Variants in VPS39 observed in about 807,000 individuals in gnomAD.
VPS39 encodes the protein vam6/Vps39-like protein.
Under a neutral mutation model 121.0 loss-of-function variants are expected in VPS39, and 70 were observed. That is an observed-to-expected ratio of 0.58 (90% CI 0.48 to 0.71). The LOEUF (loss-of-function observed/expected upper bound fraction) is 0.71. Among genes scored for constraint, VPS39 ranks in the 30% least tolerant of loss-of-function variants. The pLI, the probability that VPS39 is intolerant of heterozygous loss-of-function variation, is 0.00. For synonymous variants in VPS39, 378 were observed against 398.1 expected, an observed-to-expected ratio of 0.95 and a Z score of 0.60; for missense variants, 818 against 1,051.5, an observed-to-expected ratio of 0.78 and a Z score of 3.07.
At chr15:42,173,608 A>G (rs528705817) in intron 11 of VPS39, 115 bp downstream of exon 11, 60 of 1,395,554 alleles carry the variant, frequency 4.3e-5, no homozygotes, top group Non-Finnish European at 5.7e-5. Flanking sequence ...ATGAGGATCA[A>G]TTTAGCTGAG....
intron 16 of VPS39, 148 bp downstream of exon 16, chr15:42,166,011 T>C (rs566142029): frequency 3.7e-5 from 35 of 955,522 alleles, no homozygotes; most frequent in Admixed American, 2.6e-4. Context: ...CCAACTACAG[T>C]GCTGGCTCGC....
chr15:42,197,692 C>T (rs1195744852), intron 2 of VPS39, among the ~76,000 whole-genome samples: 1 of 152,164 alleles, frequency 6.6e-6, no homozygotes, highest in Admixed American at 6.5e-5. Context: ...ATGTCACTGG[C>T]TCAACTGAGC....
At chr15:42,161,316 G>T in intron 24 of VPS39, 1 of 394,026 alleles carries the variant, frequency 2.5e-6, no homozygotes, top group Non-Finnish European at 4.8e-6. Context: ...GATCCTACTT[G>T]AGTCACAATG....
At chr15:42,204,998 A>T (rs2050141049) in intron 1 of VPS39, among the ~76,000 whole-genome samples, 1 of 152,138 alleles carries the variant, frequency 6.6e-6, no homozygotes, top group Admixed American at 6.5e-5. Context: ...ACCTTGGAAA[A>T]ATTTCTTAAA....
intron 11 of VPS39, among the ~76,000 whole-genome samples, chr15:42,171,184 T>G (rs2049341334): frequency 6.6e-6 from 1 of 152,212 alleles, no homozygotes; most frequent in Admixed American, 6.5e-5. Flanking sequence ...TACTCCTTTA[T>G]AGTCCACAGG....
intron 8 of VPS39, chr15:42,178,929 C>T (rs747105390): frequency 1.2e-4 from 23 of 194,556 alleles, no homozygotes; most frequent in Non-Finnish European, 7.6e-5. Flanking sequence ...ATCATTTAAG[C>T]CCAGGAGTTT....
intron 1 of VPS39, among the ~76,000 whole-genome samples, chr15:42,201,348 A>T (rs2050064248): frequency 6.6e-6 from 1 of 152,044 alleles, no homozygotes; most frequent in South Asian, 2.1e-4. Context: ...GCTATTTTTT[A>T]AAAAATGTTT....
At chr15:42,167,734 C>A (rs769680213) in intron 12 of VPS39, among the ~76,000 whole-genome samples, 197 bp from the exon 13 acceptor site, 2 of 152,048 alleles carry the variant, frequency 1.3e-5, no homozygotes, top group African/African-American at 4.8e-5. Context: ...AGACCAGGCA[C>A]CATGCCAAGC....
At chr15:42,182,094 A>G (rs2049593321) in intron 8 of VPS39, among the ~76,000 whole-genome samples, 1 of 152,252 alleles carries the variant, frequency 6.6e-6, no homozygotes, top group Admixed American at 6.5e-5. Flanking sequence ...TAAAATTTCA[A>G]AGCTATGAGG....
At position 42,207,545 on chromosome 15, in the gene VPS39, G is replaced by A. The variant is rs185102856; in HGVS notation, c.73+536C>T. Among the ~76,000 whole-genome samples the A allele has an allele frequency of 4.3e-3, 648 of 152,250 alleles. 2 individuals are homozygous for A. The highest frequency in any genetic ancestry group is 7.3e-3 in the Non-Finnish European group (496 of 68,018). The stretch of plus-strand genomic sequence containing the variant: ...CACTTTGGATATAAGGTAATCAACC[G>A]CTTGGCTAGATTCAAAGGTTAGCTA... On this transcript the variant is annotated intron_variant, in intron 1 of 24. Coordinates refer to ENST00000318006, the MANE Select transcript of VPS39 (RefSeq NM_015289.5).
intron 2 of VPS39, chr15:42,192,065 C>T: frequency 1.3e-6 from 2 of 1,536,418 alleles, no homozygotes; most frequent in Admixed American, 2.0e-5. Flanking sequence ...TCTACACTTA[C>T]TGCCGCTTTC....
chr15:42,184,784 C>T, intron 7 of VPS39, 84 bp from the exon 8 acceptor site: 2 of 1,289,202 alleles, frequency 1.6e-6, no homozygotes, highest in South Asian at 1.5e-5. Context: ...AACCCGAAAC[C>T]TAGAGAAGCC....
intron 2 of VPS39, among the ~76,000 whole-genome samples, chr15:42,197,290 C>T (rs549757738): frequency 8.2e-5 from 12 of 147,092 alleles, no homozygotes; most frequent in South Asian, 2.1e-4. Flanking sequence ...CAAACCTGCA[C>T]GTTGTGCACT....
At chr15:42,179,141 A>G (rs2140860339) in intron 8 of VPS39, 1 of 152,628 alleles carries the variant, frequency 6.6e-6, no homozygotes, top group Non-Finnish European at 1.5e-5. Context: ...AGAACTGGAT[A>G]AAAGTTTCAC....
At chr15:42,184,805 C>T (rs2140869694) in intron 7 of VPS39, 105 bp from the exon 8 acceptor site, 6 of 1,078,220 alleles carry the variant, frequency 5.6e-6, no homozygotes, top group Non-Finnish European at 8.0e-6. Context: ...AATAATATTC[C>T]TTGTTTGACA....
intron 10 of VPS39, among the ~76,000 whole-genome samples, chr15:42,174,948 T>G (rs2049419568): frequency 6.6e-6 from 1 of 151,808 alleles, no homozygotes; most frequent in Admixed American, 6.6e-5. Flanking sequence ...TACTCCAGTT[T>G]GGGTGACAGA....
Position 42,159,006 on chromosome 15 carries a change from G to A in VPS39, c.*1748C>T, listed in dbSNP as rs1044219. On this transcript the variant is annotated 3_prime_UTR_variant, in exon 25 of 25. Transcript: ENST00000318006. ...TCCTGCTATCCAGGGAGGTGGCCCAGAGCTTCCCTGCTGCTCCTGGAGGAA... is the reference window on the plus strand; with the variant it reads ...TCCTGCTATCCAGGGAGGTGGCCCAAAGCTTCCCTGCTGCTCCTGGAGGAA... 6.6e-6 allele frequency: 1 copy of A among 152,270 alleles called. No individual in the cohort carries two copies. The highest frequency in any genetic ancestry group is 2.4e-5 in the African/African-American group (1 of 41,464). 9.4% of individuals were successfully genotyped at this position (152,270 alleles called of 1,614,324 possible).
At chr15:42,165,682 T>C (rs1303660305) in intron 17 of VPS39, 36 bp downstream of exon 17, 1 of 1,574,358 alleles carries the variant, frequency 6.4e-7, no homozygotes. Flanking sequence ...GATCCTGGGT[T>C]TAAAGCTTTT....
intron 2 of VPS39, among the ~76,000 whole-genome samples, chr15:42,195,445 C>T (rs534391082): frequency 2.0e-4 from 30 of 152,180 alleles, no homozygotes; most frequent in Non-Finnish European, 3.1e-4. Context: ...CCAAAATCTC[C>T]TTAAGCTGAT....
Sources: allele counts gnomAD v4.1 joint callset (sites outside exome capture counted in the v4.1 genomes callset), GRCh38; gene constraint gnomAD v4.1.1; transcripts MANE v1.5; gene names NCBI Gene and HGNC (gene_info 2026-07-23, HGNC 2026-07-21).